The following CFDP1 variants were observed in gnomAD, a reference collection of about 807,000 sequenced individuals.
CFDP1 encodes the protein chromatin remodeling protein CFDP1.
A neutral mutation model predicts 40.1 loss-of-function variants in CFDP1; 31 were observed. The ratio of observed to expected loss-of-function variants is 0.77; its 90% CI spans 0.58 to 1.04. The LOEUF (loss-of-function observed/expected upper bound fraction) is 1.04. Among genes scored for constraint, CFDP1 ranks in the 50% least tolerant of loss-of-function variants. The pLI, the probability that CFDP1 is intolerant of heterozygous loss-of-function variation, is 0.00. For synonymous variants in CFDP1, 167 were observed against 120.0 expected, an observed-to-expected ratio of 1.39 and a Z score of -2.56; for missense variants, 423 against 343.4, an observed-to-expected ratio of 1.23 and a Z score of -1.83.
At chr16:75,347,462 G>A (rs544037181) in intron 5 of CFDP1, among the ~76,000 whole-genome samples, 3 of 151,818 alleles carry the variant, frequency 2.0e-5, no homozygotes, top group East Asian at 1.9e-4. Context: ...GGTGGATCAC[G>A]AGGTCAAGAC....
chr16:75,378,437 A>T (rs1364076343), intron 5 of CFDP1, among the ~76,000 whole-genome samples: 1 of 152,178 alleles, frequency 6.6e-6, no homozygotes, highest in East Asian at 1.9e-4. Context: ...AACTGACAAA[A>T]TATGCAAAAC....
intron 1 of CFDP1, among the ~76,000 whole-genome samples, chr16:75,425,804 T>A (rs1195020234): frequency 6.6e-6 from 1 of 151,254 alleles, no homozygotes; most frequent in Non-Finnish European, 1.5e-5. Flanking sequence ...GAGGCCGGGG[T>A]GGGCGGATTA....
chr16:75,319,024 A>G (rs955405340), intron 5 of CFDP1, among the ~76,000 whole-genome samples: 6 of 151,972 alleles, frequency 3.9e-5, no homozygotes, highest in Admixed American at 3.9e-4. Flanking sequence ...TTGCAAAATT[A>G]CTCCCTCTCA....
intron 2 of CFDP1, among the ~76,000 whole-genome samples, chr16:75,412,992 A>T (rs1227285748): frequency 6.6e-6 from 1 of 152,162 alleles, no homozygotes; most frequent in African/African-American, 2.4e-5. Flanking sequence ...ACTTAAAATC[A>T]AAGTATAGCG....
At chr16:75,367,190 T>G (rs908213815) in intron 5 of CFDP1, among the ~76,000 whole-genome samples, 2 of 148,760 alleles carry the variant, frequency 1.3e-5, no homozygotes, top group African/African-American at 4.9e-5. Flanking sequence ...AAAAAATTAC[T>G]ACAAATTATT....
At chr16:75,323,141 A>G (rs528591202) in intron 5 of CFDP1, among the ~76,000 whole-genome samples, 1 of 152,134 alleles carries the variant, frequency 6.6e-6, no homozygotes, top group Admixed American at 6.5e-5. Context: ...AACATAGCAC[A>G]GCTGTAGAAA....
intron 5 of CFDP1, among the ~76,000 whole-genome samples, chr16:75,390,092 T>C (rs866335770): frequency 2.2e-4 from 33 of 152,234 alleles, no homozygotes; most frequent in Admixed American, 7.2e-4. Flanking sequence ...GAAACTGATT[T>C]TGGTCAAATT....
chr16:75,378,480 A>C (rs1446540693), intron 5 of CFDP1, among the ~76,000 whole-genome samples: 3 of 152,186 alleles, frequency 2.0e-5, no homozygotes, highest in African/African-American at 4.8e-5. Context: ...CCACAGATCA[A>C]AGTTTTAAAA....
At chr16:75,387,665 T>A (rs972103582) in intron 5 of CFDP1, among the ~76,000 whole-genome samples, 3 of 152,176 alleles carry the variant, frequency 2.0e-5, no homozygotes, top group African/African-American at 7.2e-5. Flanking sequence ...TGGCTCTCCA[T>A]CAACATATAA....
chr16:75,423,658 G>A (rs1449234842), intron 1 of CFDP1, among the ~76,000 whole-genome samples: 1 of 152,052 alleles, frequency 6.6e-6, no homozygotes, highest in Non-Finnish European at 1.5e-5. Context: ...GGGACTACAG[G>A]CACCCGCCAC....
In CFDP1 at chr16:75,416,890, C is replaced by T. The variant is rs372208368; in HGVS notation, c.65-2195G>A. ...GGAATTCTGTTTGACATCCCAAACACCAAGGGCTAAGTGACAGTGTTTCAT... is the reference window on the plus strand; with the variant it reads ...GGAATTCTGTTTGACATCCCAAACATCAAGGGCTAAGTGACAGTGTTTCAT... On this transcript the variant is annotated intron_variant, in intron 1 of 6. Coordinates refer to ENST00000283882, the MANE Select transcript of CFDP1 (RefSeq NM_006324.3). 1.3e-4 allele frequency among the ~76,000 whole-genome samples: 20 copies of T among 152,272 alleles called. 3 individuals are homozygous for T. Among genetic ancestry groups the T allele is most frequent in the Admixed American group, 6.5e-4 (10 of 15,284 alleles).
intron 4 of CFDP1, 139 bp downstream of exon 4, chr16:75,411,686 G>T (rs2079163960): frequency 1.2e-6 from 1 of 819,000 alleles, no homozygotes; most frequent in Non-Finnish European, 1.9e-6. Flanking sequence ...AATTTATAGA[G>T]CCAGTTTTCC....
chr16:75,335,650 G>A (rs1027299414), intron 5 of CFDP1, among the ~76,000 whole-genome samples: 12 of 150,242 alleles, frequency 8.0e-5, no homozygotes, highest in East Asian at 1.9e-4. Flanking sequence ...TCCGCCTCCC[G>A]GGTTCACGCC....
chr16:75,326,399 C>A (rs753331085), intron 5 of CFDP1, among the ~76,000 whole-genome samples: 1 of 152,224 alleles, frequency 6.6e-6, no homozygotes, highest in Non-Finnish European at 1.5e-5. Flanking sequence ...GTCAACTGAA[C>A]AACTCCTCGT....
intron 5 of CFDP1, among the ~76,000 whole-genome samples, chr16:75,387,298 G>A (rs930437076): frequency 6.6e-6 from 1 of 152,062 alleles, no homozygotes; most frequent in Admixed American, 6.6e-5. Flanking sequence ...CCACCACCAC[G>A]CCCGGAGAAT....
intron 1 of CFDP1, among the ~76,000 whole-genome samples, chr16:75,418,371 T>C (rs1243833644): frequency 7.2e-6 from 1 of 139,850 alleles, no homozygotes; most frequent in East Asian, 2.5e-4. Flanking sequence ...AGTGGCACGA[T>C]CTCGGCTCAC....
At chr16:75,397,896 C>T (rs2079010903) in intron 4 of CFDP1, among the ~76,000 whole-genome samples, 1 of 152,226 alleles carries the variant, frequency 6.6e-6, no homozygotes, top group Non-Finnish European at 1.5e-5. Context: ...CGACTTGCTA[C>T]AAAGGCCAAT....
chr16:75,418,442 G>A (rs139277053), intron 1 of CFDP1, among the ~76,000 whole-genome samples: 1 of 151,624 alleles, frequency 6.6e-6, no homozygotes, highest in African/African-American at 2.4e-5. Context: ...GTGTAGGTGG[G>A]ACTACAGGCG....
chr16:75,387,540 C>T (rs1191049806), intron 5 of CFDP1, among the ~76,000 whole-genome samples: 2 of 152,214 alleles, frequency 1.3e-5, no homozygotes, highest in African/African-American at 4.8e-5. Flanking sequence ...TTTCCATTGT[C>T]ACCACTAGTT....
Sources: gnomAD v4.1 joint callset for allele counts (sites outside exome capture counted in the v4.1 genomes callset) on GRCh38, gnomAD v4.1.1 for gene constraint, MANE v1.5 for transcripts, NCBI Gene and HGNC (gene_info 2026-07-23, HGNC 2026-07-21) for gene names.